Variants in PADI3 observed in about 807,000 individuals in gnomAD.
The protein encoded by PADI3 is peptidyl arginine deiminase 3, also known as protein-arginine deiminase type-3.
PADI3 carries 53 observed loss-of-function variants against 71.5 expected under a neutral mutation model. That is an observed-to-expected ratio of 0.74 (90% CI 0.59 to 0.93). The LOEUF (loss-of-function observed/expected upper bound fraction) is 0.93, where lower values mean the gene tolerates loss of function less well. Among genes scored for constraint, PADI3 ranks in the 40% least tolerant of loss-of-function variants. PADI3 has a pLI of 0.00. For missense variants in PADI3, 821 were observed against 868.0 expected (o/e 0.95, Z 0.68); for synonymous variants, 361 against 347.5 (o/e 1.04, Z -0.43).
intron 9 of PADI3, among the ~76,000 whole-genome samples, chr1:17,272,800 G>A (rs1295194883): frequency 6.6e-6 from 1 of 152,162 alleles, no homozygotes; most frequent in African/African-American, 2.4e-5. Flanking sequence ...GCCCGGACTG[G>A]ATAAATAATT....
intron 3 of PADI3, among the ~76,000 whole-genome samples, chr1:17,264,285 A>C (rs968470201): frequency 1.3e-5 from 2 of 152,058 alleles, no homozygotes; most frequent in African/African-American, 4.8e-5. Context: ...TAGACAGAAA[A>C]GTACATAAAG....
intron 2 of PADI3, among the ~76,000 whole-genome samples, chr1:17,260,874 G>T (rs1314242095): frequency 6.6e-6 from 1 of 152,178 alleles, no homozygotes; most frequent in Non-Finnish European, 1.5e-5. Context: ...TTGAAGTGGC[G>T]ATGGTGTGGG....
intron 1 of PADI3, among the ~76,000 whole-genome samples, chr1:17,250,755 C>T (rs2072956305): frequency 1.3e-5 from 2 of 152,198 alleles, no homozygotes; most frequent in African/African-American, 2.4e-5. Flanking sequence ...GGGCTGCGTG[C>T]CATGGGGTGA....
At chr1:17,256,028 T>C (rs531843912) in intron 1 of PADI3, among the ~76,000 whole-genome samples, 45 of 152,274 alleles carry the variant, frequency 3.0e-4, no homozygotes, top group African/African-American at 1.1e-3. Context: ...AAGCTCATTA[T>C]AGCCTGAGTC....
chr1:17,277,845 C>T (rs1341349750), intron 13 of PADI3: 1 of 154,526 alleles, frequency 6.5e-6, no homozygotes, highest in Non-Finnish European at 1.5e-5. Flanking sequence ...CAGGCTTGCT[C>T]AGGTACCCAG....
At chr1:17,272,262 T>C (rs958908178) in intron 9 of PADI3, among the ~76,000 whole-genome samples, 1 of 151,962 alleles carries the variant, frequency 6.6e-6, no homozygotes, top group Non-Finnish European at 1.5e-5. Context: ...AGAGAGAACC[T>C]TGTGTGTTCT....
intron 13 of PADI3, among the ~76,000 whole-genome samples, chr1:17,278,795 C>A (rs1557514939): frequency 6.6e-6 from 1 of 152,038 alleles, no homozygotes; most frequent in Non-Finnish European, 1.5e-5. Context: ...GCATCCTAGA[C>A]CAAACACAGC....
chr1:17,256,223 CA>C (rs2073025138), intron 1 of PADI3, among the ~76,000 whole-genome samples: 1 of 152,172 alleles, frequency 6.6e-6, no homozygotes, highest in Non-Finnish European at 1.5e-5. Context: ...AATGGTGTTG[CA>C]AGCCTTTCCT....
In PADI3 at chr1:17,265,652, C is replaced by T. The variant is rs955156195; in HGVS notation, c.347-7C>T. On this transcript the variant is annotated splice_region_variant and splice_polypyrimidine_tract_variant and intron_variant, in intron 3 of 15. Coordinates refer to ENST00000375460, the MANE Select transcript of PADI3 (RefSeq NM_016233.2). ...TGTAGTGACTTACCCTCTGCCTCCTCTTGCAGACATCTCTCTGGATTGCGA... is the reference window on the plus strand; with the variant it reads ...TGTAGTGACTTACCCTCTGCCTCCTTTTGCAGACATCTCTCTGGATTGCGA... 4.3e-6 allele frequency: 7 copies of T among 1,613,922 alleles called. No individual in the cohort carries two copies. The highest frequency in any genetic ancestry group is 5.9e-6 in the Non-Finnish European group (7 of 1,179,900).
Position 17,267,930 on chromosome 1 carries a change from A to G in PADI3, c.620A>G (p.Asp207Gly). The G allele has an allele frequency of 6.2e-7, 1 of 1,614,172 alleles. No individual in the cohort carries two copies. Among genetic ancestry groups the G allele is most frequent in the Non-Finnish European group, 8.5e-7 (1 of 1,180,034 alleles). ...CTTGTCCTCCATACCTCCAGCTATG[A>G]TGCCAAACGGGCACAGGTCTTCCAC... is the stretch of plus-strand genomic sequence containing the variant. Reference protein sequence around the residue: ...HKLVLHTSSYDAKRAQVFHIC... With the variant: ...HKLVLHTSSYGAKRAQVFHIC... The change falls in exon 6 of 16, where the codon GAT becomes GGT. Residue 207 changes from aspartate to glycine, a missense_variant. Coordinates refer to ENST00000375460, the MANE Select transcript of PADI3 (RefSeq NM_016233.2).
At chr1:17,262,330 C>G (rs1200700882) in intron 3 of PADI3, 125 bp downstream of exon 3, 2 of 663,926 alleles carry the variant, frequency 3.0e-6, no homozygotes, top group East Asian at 6.1e-5. Flanking sequence ...GTTCCCCAAA[C>G]CCAGCATTTT....
intron 13 of PADI3, among the ~76,000 whole-genome samples, chr1:17,278,550 GT>G (rs1294874123): frequency 6.6e-6 from 1 of 151,888 alleles, no homozygotes. Context: ...TTTTTGTTTT[GT>G]TTTTTGTTTT....
chr1:17,279,637 C>T (rs529944905), intron 13 of PADI3, among the ~76,000 whole-genome samples: 36 of 152,160 alleles, frequency 2.4e-4, no homozygotes, highest in Non-Finnish European at 5.1e-4. Flanking sequence ...CCTCTCTGAG[C>T]CTCAGTTTTC....
rs555613168 is a variant in PADI3, at chr1:17,249,727, C to A, written c.92+498C>A. The stretch of plus-strand genomic sequence containing the variant: ...CAAGTCTCTTGAGTTAAGTTTTGAA[C>A]TTTAATCTTGAATTTAACCCTTACA... On this transcript the variant is annotated intron_variant, in intron 1 of 15. Coordinates refer to ENST00000375460, the MANE Select transcript of PADI3 (RefSeq NM_016233.2). Among the ~76,000 whole-genome samples, 20 of 152,326 alleles carry A rather than the reference C, an allele frequency of 1.3e-4. No individual in the cohort carries two copies. In the East Asian group the frequency reaches 3.9e-3, roughly 29 times the overall value.
chr1:17,258,773 A>C (rs909550161), intron 1 of PADI3, among the ~76,000 whole-genome samples: 2 of 152,276 alleles, frequency 1.3e-5, no homozygotes, highest in African/African-American at 4.8e-5. Context: ...GCACTCAACC[A>C]GATTGAATTC....
chr1:17,280,406 A>G lies in PADI3; in HGVS notation c.1612A>G (p.Ile538Val), dbSNP rs1317227315. The change falls in exon 14 of 16, where the codon ATC (isoleucine) becomes GTC (valine). Residue 538 changes from isoleucine to valine, a missense_variant. By Grantham distance (29) the Ile-to-Val change is conservative. Transcript: ENST00000375460. ...CCAGGTGCTCTCCAATAAAGACCTCATCAACTACAATAAGTTTGTGCAGGT... is the reference window on the plus strand; with the variant it reads ...CCAGGTGCTCTCCAATAAAGACCTCGTCAACTACAATAAGTTTGTGCAGGT... The part of the protein sequence containing the change: ...INQVLSNKDL[I>V]NYNKFVQSCI... 3 of 1,613,782 alleles carry G rather than the reference A, an allele frequency of 1.9e-6. No homozygotes were observed. Among genetic ancestry groups the G allele is most frequent in the Non-Finnish European group, 2.5e-6 (3 of 1,179,644 alleles).
intron 6 of PADI3, among the ~76,000 whole-genome samples, chr1:17,269,050 TA>T (rs1414568455): frequency 6.8e-6 from 1 of 147,106 alleles, no homozygotes; most frequent in Non-Finnish European, 1.5e-5. Context: ...CACACCCTGC[TA>T]ATTTTTTTTT....
At chr1:17,260,638 C>T (rs1439016542) in intron 2 of PADI3, among the ~76,000 whole-genome samples, 1 of 152,208 alleles carries the variant, frequency 6.6e-6, no homozygotes, top group Non-Finnish European at 1.5e-5. Context: ...TGGGGGCAGT[C>T]TCCCTCCATC....
In PADI3 at chr1:17,270,898, T is replaced by C. The variant is rs1307554440; in HGVS notation, c.851T>C (p.Ile284Thr). Residue 284 changes from isoleucine to threonine, a missense_variant, in exon 8 of 16, where the codon ATC (isoleucine) becomes ACC (threonine). Transcript: ENST00000375460. ...DSNEDFSASP[I>T]FTDTVVFRVA... ...CTGCAGGATTTCTCGGCATCCCCTATCTTCACTGACACTGTGGTGTTCCGA... is the reference window on the plus strand; with the variant it reads ...CTGCAGGATTTCTCGGCATCCCCTACCTTCACTGACACTGTGGTGTTCCGA... 4.3e-6 allele frequency: 7 copies of C among 1,613,918 alleles called. No individual in the cohort carries two copies. In the South Asian group the frequency reaches 4.4e-5, roughly 10 times the overall value.
Sources: gnomAD v4.1 joint callset for allele counts (sites outside exome capture counted in the v4.1 genomes callset) on GRCh38, gnomAD v4.1.1 for gene constraint, MANE v1.5 for transcripts, NCBI Gene and HGNC (gene_info 2026-07-23, HGNC 2026-07-21) for gene names.